Variants in PCLO observed in about 807,000 individuals in gnomAD.
The protein encoded by PCLO is protein piccolo.
PCLO carries 82 observed loss-of-function variants against 427.5 expected under a neutral mutation model. The ratio of observed to expected loss-of-function variants is 0.19; its 90% CI spans 0.16 to 0.23. The LOEUF (loss-of-function observed/expected upper bound fraction) is 0.23. Ranked by LOEUF, PCLO falls within the 10% of genes least tolerant of loss-of-function variation. PCLO has a pLI of 1.00. For missense variants in PCLO, 6,239 were observed against 6,115.9 expected, an observed-to-expected ratio of 1.02 and a Z score of -0.67; for synonymous variants, 2,357 against 2,155.4, an observed-to-expected ratio of 1.09 and a Z score of -2.59.
rs1439361496 is a variant in PCLO, at chr7:82,754,803, A to G, written c.*3772T>C. The G allele has an allele frequency of 6.6e-6, 1 of 152,106 alleles. No individual in the cohort carries two copies. Among genetic ancestry groups the G allele is most frequent in the Non-Finnish European group, 1.5e-5 (1 of 67,958 alleles). The allele number at this position is 152,106 out of a possible 1,614,324, so 9.4% of individuals were successfully genotyped here. ...TTAAATAAATAGCTCATAATTATTC[A>G]TTGAGTCTTCTTTCACTTTCATGTC... On this transcript the variant is annotated 3_prime_UTR_variant, in exon 25 of 25. Transcript: ENST00000333891.
intron 3 of PCLO, among the ~76,000 whole-genome samples, chr7:83,033,529 T>G (rs1342337643): frequency 1.6e-4 from 25 of 152,128 alleles, no homozygotes; most frequent in Admixed American, 1.6e-3. Context: ...TCCCACACCA[T>G]CTAGATCCTA....
At chr7:83,007,482 A>C (rs1212310084) in intron 3 of PCLO, among the ~76,000 whole-genome samples, 1 of 151,592 alleles carries the variant, frequency 6.6e-6, no homozygotes, top group Non-Finnish European at 1.5e-5. Flanking sequence ...TAGCTATGGA[A>C]AAACGATAAC....
At chr7:82,905,707 C>G (rs1361295130) in intron 8 of PCLO, among the ~76,000 whole-genome samples, 1 of 151,892 alleles carries the variant, frequency 6.6e-6, no homozygotes, top group Middle Eastern at 3.4e-3. Context: ...GTCCAAGGAG[C>G]GAAAACAGAA....
intron 16 of PCLO, among the ~76,000 whole-genome samples, chr7:82,835,046 G>C (rs184090937): frequency 4.0e-4 from 61 of 152,022 alleles, no homozygotes; most frequent in African/African-American, 1.2e-3. Flanking sequence ...CTAGGTTCAC[G>C]CTATTTTCCT....
chr7:83,159,409 T>C lies in PCLO; in HGVS notation c.248+2936A>G, dbSNP rs543152052. On this transcript the variant is annotated intron_variant, in intron 1 of 24. Coordinates refer to ENST00000333891, the MANE Select transcript of PCLO (RefSeq NM_033026.6). Reference sequence around the variant, plus strand: ...TTTCAATAAAGCCCTTCTCATATGATATATCTGTAACTGTAAATAGAAAGA... The same window carrying C: ...TTTCAATAAAGCCCTTCTCATATGACATATCTGTAACTGTAAATAGAAAGA... 2.0e-5 allele frequency among the ~76,000 whole-genome samples: 3 copies of C among 152,046 alleles called. No individual in the cohort carries two copies. In the South Asian group the frequency reaches 6.2e-4, roughly 31 times the overall value.
rs1491327256 is a variant in PCLO at position 83,038,084 on chromosome 7, T to TAA, written c.3301-71598_3301-71597insTT. On this transcript the variant is annotated intron_variant, in intron 3 of 24. Transcript: ENST00000333891. Reference sequence around the variant, plus strand: ...ATATATTTATATATTTATATATATATCTTTATATATATATATTTATATATG... The same window carrying TAA: ...ATATATTTATATATTTATATATATATAACTTTATATATATATATTTATATATG... 2.6e-5 allele frequency among the ~76,000 whole-genome samples: 2 copies of TAA among 76,468 alleles called. 1 individual carries two copies. The highest frequency in any genetic ancestry group is 9.7e-5 in the African/African-American group (2 of 20,694). The allele number at this position is 76,468 out of a possible 152,430, so 50.2% of individuals were successfully genotyped here.
At chr7:82,907,777 A>T (rs147514862) in intron 8 of PCLO, among the ~76,000 whole-genome samples, 178 of 152,160 alleles carry the variant, frequency 1.2e-3, no homozygotes, top group African/African-American at 4.1e-3. Context: ...GATAGCATAT[A>T]GAAAAACAGA....
At chr7:82,895,859 A>G (rs562960812) in intron 9 of PCLO, among the ~76,000 whole-genome samples, 1 of 152,070 alleles carries the variant, frequency 6.6e-6, no homozygotes, top group Non-Finnish European at 1.5e-5. Context: ...AGGTGATTTC[A>G]TTGGTGGATT....
intron 2 of PCLO, among the ~76,000 whole-genome samples, chr7:83,144,531 T>C (rs1337525715): frequency 2.0e-5 from 3 of 152,134 alleles, no homozygotes; most frequent in African/African-American, 7.2e-5. Flanking sequence ...TAGATGCTCC[T>C]TACAACTGTC....
chr7:82,974,368 A>G (rs1318218487), intron 3 of PCLO, among the ~76,000 whole-genome samples: 1 of 152,214 alleles, frequency 6.6e-6, no homozygotes, highest in Non-Finnish European at 1.5e-5. Context: ...TCAACTGAGT[A>G]GACTACCTGA....
intron 20 of PCLO, among the ~76,000 whole-genome samples, chr7:82,812,614 CA>C (rs1791596012): frequency 4.0e-5 from 6 of 151,246 alleles, no homozygotes; most frequent in African/African-American, 1.2e-4. Flanking sequence ...GCCGTAATTC[CA>C]GCTATGTTCG....
chr7:83,022,239 T>C (rs1338423611), intron 3 of PCLO, among the ~76,000 whole-genome samples: 1 of 152,224 alleles, frequency 6.6e-6, no homozygotes, highest in African/African-American at 2.4e-5. Context: ...CCAAGTCTGC[T>C]GGTGTCTTGA....
chr7:82,878,764 C>G (rs1166745207), intron 10 of PCLO, among the ~76,000 whole-genome samples: 1 of 152,086 alleles, frequency 6.6e-6, no homozygotes. Context: ...CTGTAAAGGG[C>G]CAGGAGTAAA....
rs1562962492 is a variant in PCLO, at chr7:83,097,027, TA to T, written c.3300+37222del. Among the ~76,000 whole-genome samples, 11 of 38,224 alleles carry T rather than the reference TA, an allele frequency of 2.9e-4. 1 individual carries two copies. The highest frequency in any genetic ancestry group is 4.9e-4 in the Non-Finnish European group (11 of 22,378). The allele number at this position is 38,224 out of a possible 152,430, so 25.1% of individuals were successfully genotyped here. On this transcript the variant is annotated intron_variant, in intron 3 of 24. Coordinates refer to ENST00000333891, the MANE Select transcript of PCLO (RefSeq NM_033026.6). Reference sequence around the variant, plus strand: ...TAAATAATATATATTATATATTATATAAATATATATTATATATTATATAAAT... The same window carrying T: ...TAAATAATATATATTATATATTATATAATATATATTATATATTATATAAAT...
intron 3 of PCLO, among the ~76,000 whole-genome samples, chr7:82,998,088 C>T (rs1402822653): frequency 6.6e-6 from 1 of 151,944 alleles, no homozygotes; most frequent in East Asian, 1.9e-4. Context: ...CACAACTTAC[C>T]AGTGCAGAAA....
At chr7:82,814,788 A>G (rs915654802) in intron 20 of PCLO, among the ~76,000 whole-genome samples, 1 of 151,950 alleles carries the variant, frequency 6.6e-6, no homozygotes, top group Admixed American at 6.6e-5. Flanking sequence ...ATAACATGTT[A>G]ATCTTCTCAA....
intron 21 of PCLO, 70 bp from the exon 22 acceptor site, chr7:82,801,661 A>T (rs1336784281): frequency 2.2e-6 from 2 of 912,022 alleles, no homozygotes; most frequent in Non-Finnish European, 3.5e-6. Flanking sequence ...CTAAATTTGC[A>T]TAAATAAAAT....
chr7:82,897,966 G>A (rs921370726), intron 9 of PCLO, among the ~76,000 whole-genome samples: 1 of 150,820 alleles, frequency 6.6e-6, no homozygotes, highest in African/African-American at 2.4e-5. Flanking sequence ...AATTAAAATT[G>A]GGAATTAAAA....
chr7:82,809,864 A>G (rs1293122038), intron 20 of PCLO, among the ~76,000 whole-genome samples: 2 of 151,614 alleles, frequency 1.3e-5, no homozygotes, highest in East Asian at 1.9e-4. Flanking sequence ...TCATTCAACT[A>G]TATTTTTTAA....
Sources: allele counts gnomAD v4.1 joint callset (sites outside exome capture counted in the v4.1 genomes callset), GRCh38; gene constraint gnomAD v4.1.1; transcripts MANE v1.5; gene names NCBI Gene and HGNC (gene_info 2026-07-23, HGNC 2026-07-21).